The following CLEC5A variants were observed in gnomAD, a reference collection of about 807,000 sequenced individuals.
The protein encoded by CLEC5A is C-type lectin domain family 5 member A.
CLEC5A carries 15 observed loss-of-function variants against 24.4 expected under a neutral mutation model. The ratio of observed to expected loss-of-function variants is 0.62; its 90% CI spans 0.41 to 0.95. The LOEUF (loss-of-function observed/expected upper bound fraction) is 0.95. Among genes scored for constraint, CLEC5A ranks in the 40% least tolerant of loss-of-function variants. The probability of loss-of-function intolerance (pLI) is 0.00; values close to 1 mark genes in which losing one functional copy is unlikely to be tolerated. For synonymous variants in CLEC5A, 71 were observed against 72.6 expected, an observed-to-expected ratio of 0.98 and a Z score of 0.11; for missense variants, 211 against 224.0, an observed-to-expected ratio of 0.94 and a Z score of 0.37.
chr7:141,945,373 T>C lies in CLEC5A; in HGVS notation c.107A>G (p.Asp36Gly). 2.5e-6 allele frequency: 4 copies of C among 1,613,342 alleles called. No individual in the cohort carries two copies. The highest frequency in any genetic ancestry group is 2.2e-5 in the South Asian group (2 of 91,066). ...ATAGCTCCTGGTGGTGGTGAAACCATCGTTACTTTTGTTAAAAATCTGTGG... is the reference window on the plus strand; with the variant it reads ...ATAGCTCCTGGTGGTGGTGAAACCACCGTTACTTTTGTTAAAAATCTGTGG... ...YFPQIFNKSN[D>G]GFTTTRSYGT... Residue 36 changes from aspartate to glycine, a missense_variant, in exon 3 of 7, where the codon GAT (aspartate) becomes GGT (glycine). Coordinates refer to ENST00000546910, the MANE Select transcript of CLEC5A (RefSeq NM_013252.3).
chr7:141,938,495 G>A (rs1802694134), intron 4 of CLEC5A, among the ~76,000 whole-genome samples: 1 of 152,104 alleles, frequency 6.6e-6, no homozygotes, highest in Non-Finnish European at 1.5e-5. Flanking sequence ...CTAAAAAATA[G>A]CCTCAAAAGG....
At chr7:141,933,841 C>T (rs554036578) in intron 5 of CLEC5A, among the ~76,000 whole-genome samples, 1 of 151,826 alleles carries the variant, frequency 6.6e-6, no homozygotes, top group African/African-American at 2.4e-5. Context: ...TGCATTCATG[C>T]CCAGAGGGAG....
At chr7:141,943,449 G>T (rs376002252) in intron 4 of CLEC5A, among the ~76,000 whole-genome samples, 1 of 152,018 alleles carries the variant, frequency 6.6e-6, no homozygotes, top group East Asian at 1.9e-4. Context: ...GGGGAGGTAT[G>T]GGGGAGAAGT....
At chr7:141,936,269 A>C (rs1802622132) in intron 4 of CLEC5A, 1 of 346,782 alleles carries the variant, frequency 2.9e-6, no homozygotes, top group East Asian at 7.9e-5. Flanking sequence ...ATGAACACTC[A>C]GTACCTGGAT....
At chr7:141,943,628 A>C (rs557609859) in intron 4 of CLEC5A, among the ~76,000 whole-genome samples, 48 of 152,220 alleles carry the variant, frequency 3.2e-4, no homozygotes, top group Non-Finnish European at 5.7e-4. Flanking sequence ...GGTGATGGAT[A>C]CTCCATTTAC....
intron 4 of CLEC5A, among the ~76,000 whole-genome samples, chr7:141,942,825 G>T (rs1802838059): frequency 6.6e-6 from 1 of 152,122 alleles, no homozygotes; most frequent in South Asian, 2.1e-4. Context: ...AATATAAAAA[G>T]GTGCTCAACA....
chr7:141,936,541 A>C (rs1211606681), intron 4 of CLEC5A, among the ~76,000 whole-genome samples: 1 of 152,204 alleles, frequency 6.6e-6, no homozygotes, highest in African/African-American at 2.4e-5. Context: ...AACCCATCCC[A>C]GTGGTTGAAA....
At chr7:141,942,729 G>GA (rs1350896448) in intron 4 of CLEC5A, among the ~76,000 whole-genome samples, 9 of 151,644 alleles carry the variant, frequency 5.9e-5, no homozygotes, top group Non-Finnish European at 8.8e-5. Flanking sequence ...AACTGTATAG[G>GA]AAAAAAAATC....
In CLEC5A at chr7:141,934,064, A is replaced by C. The variant is rs996315154; in HGVS notation, c.345+1750T>G. On this transcript the variant is annotated intron_variant, in intron 5 of 6. Coordinates refer to ENST00000546910, the MANE Select transcript of CLEC5A (RefSeq NM_013252.3). ...CACCCACCCACTCCCCTAGGACCTT[A>C]GCATGGGCTGGAACCTGACCCTGAG... Among the ~76,000 whole-genome samples the C allele has an allele frequency of 1.8e-4, 27 of 152,304 alleles. 1 individual carries two copies. Among genetic ancestry groups the C allele is most frequent in the Admixed American group, 1.3e-3 (20 of 15,310 alleles).
intron 4 of CLEC5A, among the ~76,000 whole-genome samples, chr7:141,940,502 C>G (rs1050578950): frequency 7.3e-5 from 11 of 151,252 alleles, no homozygotes; most frequent in Non-Finnish European, 1.5e-5. Context: ...AACCAAAAAC[C>G]TGATGACAAA....
At chr7:141,941,819 C>T (rs1802802884) in intron 4 of CLEC5A, among the ~76,000 whole-genome samples, 1 of 151,838 alleles carries the variant, frequency 6.6e-6, no homozygotes, top group African/African-American at 2.4e-5. Flanking sequence ...GAGACTAATC[C>T]CATTTATAAT....
chr7:141,943,842 T>C, intron 4 of CLEC5A, 54 bp downstream of exon 4: 1 of 1,203,642 alleles, frequency 8.3e-7, no homozygotes, highest in Non-Finnish European at 1.2e-6. Context: ...TCTCTAAGAA[T>C]TCAGTGCATG....
At chr7:141,945,915 G>T (rs528952028) in intron 2 of CLEC5A, 5 of 370,922 alleles carry the variant, frequency 1.3e-5, no homozygotes, top group Non-Finnish European at 2.4e-5. Flanking sequence ...AATAACAAGC[G>T]CTGCCAAGTA....
intron 4 of CLEC5A, among the ~76,000 whole-genome samples, chr7:141,936,571 C>T (rs1018542062): frequency 6.6e-6 from 1 of 152,102 alleles, no homozygotes. Flanking sequence ...TGGCAAGCCT[C>T]GCCACTGTGA....
chr7:141,944,346 G>A (rs1019591013), intron 3 of CLEC5A, among the ~76,000 whole-genome samples: 1 of 152,124 alleles, frequency 6.6e-6, no homozygotes, highest in Non-Finnish European at 1.5e-5. Context: ...TCTCGCCCAG[G>A]CTCCACACAG....
Position 141,945,372 on chromosome 7 carries a change from A to G in CLEC5A, c.108T>C (p.Asp36=), listed in dbSNP as rs1554442034. The G allele has an allele frequency of 6.2e-7, 1 of 1,613,402 alleles. No individual in the cohort carries two copies. The highest frequency in any genetic ancestry group is 2.2e-5 in the East Asian group (1 of 44,864). The change falls in exon 3 of 7, where the codon GAT becomes GAC. Residue 36 remains aspartate, a synonymous_variant. Coordinates refer to ENST00000546910, the MANE Select transcript of CLEC5A (RefSeq NM_013252.3). ...YFPQIFNKSN[D]GFTTTRSYGT... is the part of the protein sequence containing the mutation. ...CATAGCTCCTGGTGGTGGTGAAACC[A>G]TCGTTACTTTTGTTAAAAATCTGTG...
rs78471236 is a variant in CLEC5A at position 141,936,130 on chromosome 7, A to G, written c.209-180T>C. 1,160 of 604,882 alleles carry G rather than the reference A, an allele frequency of 1.9e-3. 15 individuals are homozygous for G. The highest frequency in any genetic ancestry group is 0.019 in the African/African-American group (1,020 of 53,834). 37.5% of individuals were successfully genotyped at this position (604,882 alleles called of 1,614,324 possible). On this transcript the variant is annotated intron_variant, in intron 4 of 6. Coordinates refer to ENST00000546910, the MANE Select transcript of CLEC5A (RefSeq NM_013252.3). The stretch of plus-strand genomic sequence containing the variant: ...AGTCTGGTTCCTTGACAATAATATA[A>G]GGAGAATAAGGAGAAGAGCGCAGTG...
chr7:141,931,931 G>A (rs1283413921), intron 5 of CLEC5A, 105 bp from the exon 6 acceptor site: 5 of 593,216 alleles, frequency 8.4e-6, no homozygotes, highest in Non-Finnish European at 1.5e-5. Context: ...AAGGCCGGTA[G>A]AGAACTCTGG....
At chr7:141,938,729 T>C (rs576701377) in intron 4 of CLEC5A, among the ~76,000 whole-genome samples, 2 of 152,220 alleles carry the variant, frequency 1.3e-5, no homozygotes, top group East Asian at 3.9e-4. Flanking sequence ...GAAAGGATCC[T>C]AAAAGCAGCA....
Sources: allele counts gnomAD v4.1 joint callset (sites outside exome capture counted in the v4.1 genomes callset), GRCh38; gene constraint gnomAD v4.1.1; transcripts MANE v1.5; gene names NCBI Gene and HGNC (gene_info 2026-07-23, HGNC 2026-07-21).